Variants in GRIP1 observed in about 807,000 individuals in gnomAD.
GRIP1 encodes the protein glutamate receptor interacting protein 1, also known as glutamate receptor-interacting protein 1.
Under a neutral mutation model 129.9 loss-of-function variants are expected in GRIP1, and 45 were observed. The ratio of observed to expected loss-of-function variants is 0.35; its 90% CI spans 0.27 to 0.44. The LOEUF (loss-of-function observed/expected upper bound fraction) is 0.44. Ranked by LOEUF, GRIP1 falls within the 20% of genes least tolerant of loss-of-function variation. The pLI, the probability that GRIP1 is intolerant of heterozygous loss-of-function variation, is 1.00. For synonymous variants in GRIP1, 530 were observed against 520.8 expected, an observed-to-expected ratio of 1.02 and a Z score of -0.24; for missense variants, 1,196 against 1,396.8, an observed-to-expected ratio of 0.86 and a Z score of 2.29.
chr12:66,818,643 GAA>G (rs2039267105), intron 1 of GRIP1, among the ~76,000 whole-genome samples: 1 of 152,144 alleles, frequency 6.6e-6, no homozygotes, highest in Non-Finnish European at 1.5e-5. Context: ...TGTTAACACA[GAA>G]TATTAAAAAG....
chr12:66,557,053 A>G (rs1051773706), intron 2 of GRIP1, among the ~76,000 whole-genome samples: 62 of 152,234 alleles, frequency 4.1e-4, no homozygotes, highest in African/African-American at 1.4e-3. Flanking sequence ...GGATAAAAAA[A>G]AAGACTCAAC....
intron 1 of GRIP1, among the ~76,000 whole-genome samples, chr12:66,910,306 T>C (rs547930460): frequency 6.6e-6 from 1 of 152,334 alleles, no homozygotes; most frequent in South Asian, 2.1e-4. Flanking sequence ...GGAGGGCCTA[T>C]ATCTATCTTC....
intron 1 of GRIP1, among the ~76,000 whole-genome samples, chr12:66,874,980 A>G (rs1187621719): frequency 6.6e-6 from 1 of 152,084 alleles, no homozygotes; most frequent in East Asian, 1.9e-4. Flanking sequence ...CCCTGTATGT[A>G]TGCTATAAAA....
chr12:66,400,595 CA>C (rs574407618), intron 16 of GRIP1, among the ~76,000 whole-genome samples: 1 of 152,246 alleles, frequency 6.6e-6, no homozygotes, highest in African/African-American at 2.4e-5. Context: ...TTGAATAGGA[CA>C]AGCTGCAGCC....
intron 1 of GRIP1, among the ~76,000 whole-genome samples, chr12:66,998,582 C>T (rs984991733): frequency 1.3e-5 from 2 of 152,090 alleles, no homozygotes; most frequent in Admixed American, 1.3e-4. Context: ...GCCAAACTTT[C>T]AAACTAGCCT....
chr12:67,064,707 T>C (rs924625421), intron 1 of GRIP1, among the ~76,000 whole-genome samples: 3 of 152,198 alleles, frequency 2.0e-5, no homozygotes, highest in Non-Finnish European at 2.9e-5. Context: ...GCCAAGTTTG[T>C]AGTAAAGGTC....
At chr12:66,419,436 T>A (rs1004946134) in intron 15 of GRIP1, among the ~76,000 whole-genome samples, 2 of 152,084 alleles carry the variant, frequency 1.3e-5, no homozygotes, top group East Asian at 3.9e-4. Context: ...CACTTAAAAA[T>A]AACTAAAAAA....
Position 66,476,340 on chromosome 12 carries a change from C to A in GRIP1, c.725-10918G>T, listed in dbSNP as rs180764437. 5.3e-4 allele frequency among the ~76,000 whole-genome samples: 80 copies of A among 152,254 alleles called. No individual in the cohort carries two copies. In the East Asian group the frequency reaches 7.5e-3, roughly 14 times the overall value. ...GGAAGAAGTTGAATCTCTTAACAGA[C>A]CAATAACAGGCTCTGAAATTGAAGC... On this transcript the variant is annotated intron_variant, in intron 7 of 24. Coordinates refer to ENST00000359742, the MANE Select transcript of GRIP1 (RefSeq NM_001366722.1).
intron 7 of GRIP1, among the ~76,000 whole-genome samples, chr12:66,512,875 A>T (rs1592459842): frequency 6.6e-6 from 1 of 152,254 alleles, no homozygotes; most frequent in East Asian, 1.9e-4. Flanking sequence ...TCTGGAAGAC[A>T]ATTGGAATTA....
chr12:66,813,586 A>G (rs1021165675), intron 1 of GRIP1, among the ~76,000 whole-genome samples: 2 of 152,152 alleles, frequency 1.3e-5, no homozygotes, highest in Non-Finnish European at 2.9e-5. Flanking sequence ...CCAGGAGGAG[A>G]CACAACTTGA....
chr12:67,028,415 G>A (rs11176541), intron 1 of GRIP1, among the ~76,000 whole-genome samples: 1 of 152,098 alleles, frequency 6.6e-6, no homozygotes, highest in Non-Finnish European at 1.5e-5. Context: ...TTCTTCATGA[G>A]CATATTTTGG....
At chr12:66,611,637 T>C (rs2064796423) in intron 1 of GRIP1, among the ~76,000 whole-genome samples, 1 of 152,204 alleles carries the variant, frequency 6.6e-6, no homozygotes, top group Non-Finnish European at 1.5e-5. Flanking sequence ...GATTGATGTA[T>C]AGCCACTAAA....
chr12:66,860,570 G>A (rs922371858), intron 1 of GRIP1, among the ~76,000 whole-genome samples: 1 of 151,874 alleles, frequency 6.6e-6, no homozygotes, highest in Non-Finnish European at 1.5e-5. Context: ...CCCATTCACC[G>A]AGTGTAAGTT....
chr12:66,888,039 CT>C (rs1245672133), intron 1 of GRIP1, among the ~76,000 whole-genome samples: 1 of 152,054 alleles, frequency 6.6e-6, no homozygotes, highest in African/African-American at 2.4e-5. Flanking sequence ...TAAGAAATGA[CT>C]TTTTTATTCA....
At chr12:66,800,339 G>A (rs1325262129) in intron 1 of GRIP1, among the ~76,000 whole-genome samples, 2 of 152,114 alleles carry the variant, frequency 1.3e-5, no homozygotes, top group African/African-American at 4.8e-5. Flanking sequence ...TACCATGGAG[G>A]AGTCCCACTC....
At chr12:66,788,768 C>T (rs2136840766) in intron 1 of GRIP1, among the ~76,000 whole-genome samples, 1 of 152,124 alleles carries the variant, frequency 6.6e-6, no homozygotes, top group East Asian at 1.9e-4. Flanking sequence ...AGAAGGGATC[C>T]CTCCCCATTC....
chr12:66,484,081 G>A (rs1313056836), intron 7 of GRIP1, among the ~76,000 whole-genome samples: 3 of 151,778 alleles, frequency 2.0e-5, no homozygotes, highest in Non-Finnish European at 2.9e-5. Flanking sequence ...GGATGGTCTC[G>A]ATCTCCTGAC....
chr12:66,809,583 TGATTTG>T (rs1566034146), intron 1 of GRIP1, among the ~76,000 whole-genome samples: 1 of 152,150 alleles, frequency 6.6e-6, no homozygotes, highest in Non-Finnish European at 1.5e-5. Context: ...TTGTAGCAAA[TGATTTG>T]TAATATCCCT....
At chr12:66,594,738 C>T (rs2063981217) in intron 2 of GRIP1, among the ~76,000 whole-genome samples, 1 of 152,252 alleles carries the variant, frequency 6.6e-6, no homozygotes, top group East Asian at 1.9e-4. Context: ...GTGCATTTTT[C>T]TCTCTCTCAT....
Sources: allele counts gnomAD v4.1 joint callset (sites outside exome capture counted in the v4.1 genomes callset), GRCh38; gene constraint gnomAD v4.1.1; transcripts MANE v1.5; gene names NCBI Gene and HGNC (gene_info 2026-07-23, HGNC 2026-07-21).